PTGER1: variants seen among roughly 807,000 people sequenced by gnomAD.
PTGER1 encodes the protein prostaglandin E receptor 1.
Under a neutral mutation model 18.5 loss-of-function variants are expected in PTGER1, and 15 were observed. The ratio of observed to expected loss-of-function variants is 0.81; its 90% CI spans 0.54 to 1.25. PTGER1 has a LOEUF of 1.25. Ranked by LOEUF, PTGER1 falls within the 50% of genes most tolerant of loss-of-function variation. The pLI is 0.00. For synonymous variants in PTGER1, 339 were observed against 308.4 expected (o/e 1.10, Z -1.04); for missense variants, 567 against 603.4 (o/e 0.94, Z 0.63).
In PTGER1 at chr19:14,473,862, G is replaced by C; in HGVS notation, c.459C>G (p.Arg153=). 7 of 1,226,854 alleles carry C rather than the reference G, an allele frequency of 5.7e-6. No individual in the cohort carries two copies. The highest frequency in any genetic ancestry group is 7.1e-6 in the Non-Finnish European group (7 of 989,606). The allele number at this position is 1,226,854 out of a possible 1,614,324, so 76.0% of individuals were successfully genotyped here. The stretch of plus-strand genomic sequence containing the variant: ...CCACCGCGGCCAGCGCCAGGCGCGC[G>C]CGGGCGACCGAGACCCGCGCGGCGT... ...LLHAARVSVA[R]ARLALAAVAA... The change falls in exon 2 of 3, where the codon CGC becomes CGG. Residue 153 remains arginine (R), a synonymous_variant. Transcript: ENST00000292513. This position sits in a 1 kb window ranked among gnomAD's most constrained non-coding sequence, Gnocchi z 7.1.
rs1305726039 is a variant in PTGER1, at chr19:14,473,995, GC to G, written c.325del (p.Ala109ProfsTer273). ...YTAGRAPAGG[A>X]CHFLGGCMVF... ...CATGCAGCCGCCCAGGAAGTGGCAG[GC>G]CCCGCCGGCCGGAGCGCGCCCCGCA... On this transcript the variant is annotated frameshift_variant, in exon 2 of 3. Coordinates refer to ENST00000292513, the MANE Select transcript of PTGER1 (RefSeq NM_000955.3). LOFTEE classifies it high-confidence loss of function. The surrounding 1 kb of genome is among the most constrained non-coding windows in gnomAD (Gnocchi z 7.1). The G allele has an allele frequency of 6.7e-7, 1 of 1,499,992 alleles. No homozygotes were observed. The highest frequency in any genetic ancestry group is 2.8e-5 in the East Asian group (1 of 36,268). 92.9% of individuals were successfully genotyped at this position (1,499,992 alleles called of 1,614,324 possible).
chr19:14,473,189 G>T lies in PTGER1; in HGVS notation c.942+190C>A, dbSNP rs1022466451. 8.6e-5 allele frequency among the ~76,000 whole-genome samples: 13 copies of T among 152,038 alleles called. No homozygotes were observed. Among genetic ancestry groups the T allele is most frequent in the African/African-American group, 3.1e-4 (13 of 41,366 alleles). ...CCCCAAAAAGGAAGAGGAGAGGGGG[G>T]CTAGGAGGAAGGATGGGAGGTCAGA... On this transcript the variant is annotated intron_variant, in intron 2 of 2. Transcript: ENST00000292513. The surrounding 1 kb of genome is among the most constrained non-coding windows in gnomAD (Gnocchi z 7.1).
chr19:14,473,456 G>A lies in PTGER1; in HGVS notation c.865C>T (p.Arg289Cys). The change falls in exon 2 of 3, where the codon CGC becomes TGC. Residue 289 changes from arginine (R) to cysteine (C), a missense_variant. By Grantham distance (180) the Arg-to-Cys change is radical. Transcript: ENST00000292513. The surrounding 1 kb of genome is among the most constrained non-coding windows in gnomAD (Gnocchi z 7.1). Reference sequence around the variant, plus strand: ...CCCACCATCTCCACGTCGTGGGCGCGAGCTCTGCGTGCCGAGCCGCTGCTC... The same window carrying A: ...CCCACCATCTCCACGTCGTGGGCGCAAGCTCTGCGTGCCGAGCCGCTGCTC... ...SRSSGSARRARAHDVEMVGQL... is the reference protein window; with the variant it reads ...SRSSGSARRACAHDVEMVGQL... 6.3e-7 allele frequency: 1 copy of A among 1,591,068 alleles called. No individual in the cohort carries two copies. Among genetic ancestry groups the A allele is most frequent in the Non-Finnish European group, 8.5e-7 (1 of 1,172,382 alleles).
Position 14,473,861 on chromosome 19 carries a change from C to T in PTGER1, c.460G>A (p.Ala154Thr), listed in dbSNP as rs549754915. Residue 154 changes from alanine to threonine, a missense_variant, in exon 2 of 3, where the codon GCG becomes ACG. Transcript: ENST00000292513. The surrounding 1 kb of genome is among the most constrained non-coding windows in gnomAD (Gnocchi z 7.1). ...LHAARVSVAR[A>T]RLALAAVAAV... is the part of the protein sequence containing the mutation. ...GCCACCGCGGCCAGCGCCAGGCGCGCGCGGGCGACCGAGACCCGCGCGGCG... is the reference window on the plus strand; with the variant it reads ...GCCACCGCGGCCAGCGCCAGGCGCGTGCGGGCGACCGAGACCCGCGCGGCG... 1.2e-3 allele frequency: 1,479 copies of T among 1,226,512 alleles called. 1 individual carries two copies. The highest frequency in any genetic ancestry group is 1.4e-3 in the Non-Finnish European group (1,421 of 989,466). The allele number at this position is 1,226,512 out of a possible 1,614,324, so 76.0% of individuals were successfully genotyped here.
At position 14,473,871 on chromosome 19, in the gene PTGER1, C is replaced by A. The variant is rs1229394302; in HGVS notation, c.450G>T (p.Ser150=). The change falls in exon 2 of 3, where the codon TCG becomes TCT. Residue 150 remains serine, a synonymous_variant. Coordinates refer to ENST00000292513, the MANE Select transcript of PTGER1 (RefSeq NM_000955.3). This position sits in a 1 kb window ranked among gnomAD's most constrained non-coding sequence, Gnocchi z 7.1. ...CCAGCGCCAGGCGCGCGCGGGCGAC[C>A]GAGACCCGCGCGGCGTGGAGCAGCG... is the stretch of plus-strand genomic sequence containing the variant. The part of the protein sequence containing the change: ...TRPLLHAARV[S]VARARLALAA... The A allele has an allele frequency of 1.9e-5, 24 of 1,254,774 alleles. No homozygotes were observed. In the African/African-American group the frequency reaches 2.7e-4, roughly 14 times the overall value. The allele number at this position is 1,254,774 out of a possible 1,614,324, so 77.7% of individuals were successfully genotyped here.
Position 14,473,957 on chromosome 19 carries a change from G to A in PTGER1, c.364C>T (p.Leu122=). The A allele has an allele frequency of 2.0e-6, 3 of 1,490,558 alleles. No homozygotes were observed. Among genetic ancestry groups the A allele is most frequent in the Non-Finnish European group, 1.8e-6 (2 of 1,124,666 alleles). The allele number at this position is 1,490,558 out of a possible 1,614,324, so 92.3% of individuals were successfully genotyped here. A position where few individuals can be genotyped will look rare whatever the true frequency, so the allele number is the denominator to read the frequency against. The change falls in exon 2 of 3, where the codon CTG becomes TTG. Residue 122 remains leucine (L), a synonymous_variant. Transcript: ENST00000292513. The surrounding 1 kb of genome is among the most constrained non-coding windows in gnomAD (Gnocchi z 7.1). The part of the protein sequence containing the change: ...FLGGCMVFFG[L]CPLLLGCGMA... ...CCACAGCCCAGCAGCAGCGGGCACA[G>A]GCCGAAGAAGACCATGCAGCCGCCC... is the stretch of plus-strand genomic sequence containing the variant.
chr19:14,472,616 C>T lies in PTGER1; in HGVS notation c.1153G>A (p.Ala385Thr), dbSNP rs200576016. 1.2e-5 allele frequency: 19 copies of T among 1,601,926 alleles called. No individual in the cohort carries two copies. The highest frequency in any genetic ancestry group is 1.5e-5 in the Non-Finnish European group (18 of 1,175,682). ...GPAGLGLTPS[A>T]WEASSLRSSR... ...CTGCGCAGCGAGCTGGCCTCCCAGGCGCTCGGTGTTAGGCCCAGCCCCGCG... is the reference window on the plus strand; with the variant it reads ...CTGCGCAGCGAGCTGGCCTCCCAGGTGCTCGGTGTTAGGCCCAGCCCCGCG... Residue 385 changes from alanine to threonine, a missense_variant, in exon 3 of 3, where the codon GCC (alanine) becomes ACC (threonine). Physicochemically the swap from Ala to Thr is moderately conservative, Grantham distance 58. Transcript: ENST00000292513.
intron 2 of PTGER1, 129 bp from the exon 3 acceptor site, chr19:14,472,955 A>G: frequency 1.1e-6 from 1 of 932,322 alleles, no homozygotes; most frequent in Non-Finnish European, 1.6e-6. Flanking sequence ...GTAAATGGGG[A>G]TCCAGATGAG....
chr19:14,474,212 CGGGCGAAGCGCCCGACGG>C lies in PTGER1; in HGVS notation c.91_108del (p.Pro31_Pro36del). On this transcript the variant is annotated inframe_deletion, in exon 2 of 3. Transcript: ENST00000292513. This position sits in a 1 kb window ranked among gnomAD's most constrained non-coding sequence, Gnocchi z 5.4. ...AGCGTCATGGAGAAGATGGGCAGCG[CGGGCGAAGCGCCCGACGG>C]CGGCACGGCCGACGTGTTGGGGACC... 1 of 1,525,678 alleles carries C rather than the reference CGGGCGAAGCGCCCGACGG, an allele frequency of 6.6e-7. No individual in the cohort carries two copies. Among genetic ancestry groups the C allele is most frequent in the Non-Finnish European group, 8.8e-7 (1 of 1,142,216 alleles). 94.5% of individuals were successfully genotyped at this position (1,525,678 alleles called of 1,614,324 possible).
chr19:14,472,663 C>G lies in PTGER1; in HGVS notation c.1106G>C (p.Arg369Thr). ...LRQLLRLLPP[R>T]AGAKGGPAGL... ...CGCGGGGCCGCCCTTGGCTCCGGCCCTCGGGGGCAAGAGGCGAAGCAGTTG... is the reference window on the plus strand; with the variant it reads ...CGCGGGGCCGCCCTTGGCTCCGGCCGTCGGGGGCAAGAGGCGAAGCAGTTG... The change falls in exon 3 of 3, where the codon AGG (arginine) becomes ACG (threonine). Residue 369 changes from arginine to threonine, a missense_variant. Arg to Thr is a moderately conservative substitution (Grantham distance 71). Coordinates refer to ENST00000292513, the MANE Select transcript of PTGER1 (RefSeq NM_000955.3). 2 of 1,610,362 alleles carry G rather than the reference C, an allele frequency of 1.2e-6. No homozygotes were observed. The highest frequency in any genetic ancestry group is 8.5e-7 in the Non-Finnish European group (1 of 1,178,734).
chr19:14,473,706 G>T lies in PTGER1; in HGVS notation c.615C>A (p.Gly205=). Residue 205 remains glycine (G), a synonymous_variant, in exon 2 of 3, where the codon GGC becomes GGA. Transcript: ENST00000292513. This position sits in a 1 kb window ranked among gnomAD's most constrained non-coding sequence, Gnocchi z 7.1. ...PGGWRQALLA[G]LFASLGLVAL... is the part of the protein sequence containing the mutation. ...CGACCAGGCCGAGGCTGGCGAAGAG[G>T]CCAGCAAGCAGTGCCTGGCGCCAGC... 6.8e-7 allele frequency: 1 copy of T among 1,472,796 alleles called. No homozygotes were observed. The highest frequency in any genetic ancestry group is 8.9e-7 in the Non-Finnish European group (1 of 1,118,248). The allele number at this position is 1,472,796 out of a possible 1,614,324, so 91.2% of individuals were successfully genotyped here. A position where few individuals can be genotyped will look rare whatever the true frequency, so the allele number is the denominator to read the frequency against.
At position 14,474,210 on chromosome 19, in the gene PTGER1, C is replaced by G; in HGVS notation, c.111G>C (p.Ala37=). The change falls in exon 2 of 3, where the codon GCG becomes GCC. Residue 37 remains alanine (A), a synonymous_variant. Coordinates refer to ENST00000292513, the MANE Select transcript of PTGER1 (RefSeq NM_000955.3). The surrounding 1 kb of genome is among the most constrained non-coding windows in gnomAD (Gnocchi z 5.4). ...CCAGCGTCATGGAGAAGATGGGCAG[C>G]GCGGGCGAAGCGCCCGACGGCGGCA... is the stretch of plus-strand genomic sequence containing the variant. ...SAVPPSGASP[A]LPIFSMTLGA... The G allele has an allele frequency of 6.6e-7, 1 of 1,525,504 alleles. No homozygotes were observed. Among genetic ancestry groups the G allele is most frequent in the Non-Finnish European group, 8.8e-7 (1 of 1,142,136 alleles). 94.5% of individuals were successfully genotyped at this position (1,525,504 alleles called of 1,614,324 possible).
In PTGER1 at chr19:14,473,603, G is replaced by A. The variant is rs756058920; in HGVS notation, c.718C>T (p.Arg240Trp). 2.0e-6 allele frequency: 3 copies of A among 1,463,610 alleles called. No homozygotes were observed. Among genetic ancestry groups the A allele is most frequent in the South Asian group, 2.7e-5 (2 of 73,900 alleles). The allele number at this position is 1,463,610 out of a possible 1,614,324, so 90.7% of individuals were successfully genotyped here. A position where few individuals can be genotyped will look rare whatever the true frequency, so the allele number is the denominator to read the frequency against. ...TCGGGGCCTGAGGCCGGGGGAGGCC[G>A]TCGGGAGCGGCGTCGCCAGCGGGCG... ...LRARWRRRSR[R>W]PPPASGPDSR... Residue 240 changes from arginine to tryptophan, a missense_variant, in exon 2 of 3, where the codon CGG (arginine) becomes TGG (tryptophan). Transcript: ENST00000292513. The surrounding 1 kb of genome is among the most constrained non-coding windows in gnomAD (Gnocchi z 7.1).
rs1229057271 is a variant in PTGER1, at chr19:14,474,089, C to T, written c.232G>A (p.Ala78Thr). The change falls in exon 2 of 3, where the codon GCC becomes ACC. Residue 78 changes from alanine (A) to threonine (T), a missense_variant. Transcript: ENST00000292513. The surrounding 1 kb of genome is among the most constrained non-coding windows in gnomAD (Gnocchi z 5.4). ...GCCAGGTCGGTGGCCAGCAGGCTGG[C>T]CACGAACAGCAGGAAGGTGGCGGCC... ...RSAATFLLFVASLLATDLAGH... is the reference protein window; with the variant it reads ...RSAATFLLFVTSLLATDLAGH... 2.0e-6 allele frequency: 3 copies of T among 1,477,756 alleles called. No individual in the cohort carries two copies. Among genetic ancestry groups the T allele is most frequent in the East Asian group, 3.0e-5 (1 of 33,882 alleles). 91.5% of individuals were successfully genotyped at this position (1,477,756 alleles called of 1,614,324 possible).
chr19:14,472,622 G>GTGT lies in PTGER1; in HGVS notation c.1144_1146dup (p.Thr382dup). The GTGT allele has an allele frequency of 1.2e-6, 2 of 1,605,646 alleles. No homozygotes were observed. The highest frequency in any genetic ancestry group is 1.7e-6 in the Non-Finnish European group (2 of 1,177,634). On this transcript the variant is annotated inframe_insertion, in exon 3 of 3. Coordinates refer to ENST00000292513, the MANE Select transcript of PTGER1 (RefSeq NM_000955.3). ...AGCGAGCTGGCCTCCCAGGCGCTCG[G>GTGT]TGTTAGGCCCAGCCCCGCGGGGCCG...
Position 14,473,402 on chromosome 19 carries a change from A to G in PTGER1, c.919T>C (p.Cys307Arg), listed in dbSNP as rs2071584235. The change falls in exon 2 of 3, where the codon TGC (cysteine) becomes CGC (arginine). Residue 307 changes from cysteine (C) to arginine (R), a missense_variant. Transcript: ENST00000292513. This position sits in a 1 kb window ranked among gnomAD's most constrained non-coding sequence, Gnocchi z 7.1. The part of the protein sequence containing the change: ...GQLVGIMVVS[C>R]ICWSPMLVLV... ...ACCAGCATTGGGCTCCAGCAGATGCACGACACCACCATGATACCGACAAGC... is the reference window on the plus strand; with the variant it reads ...ACCAGCATTGGGCTCCAGCAGATGCGCGACACCACCATGATACCGACAAGC... The G allele has an allele frequency of 3.1e-6, 5 of 1,595,248 alleles. No individual in the cohort carries two copies. The highest frequency in any genetic ancestry group is 4.3e-6 in the Non-Finnish European group (5 of 1,173,832).
In PTGER1 at chr19:14,474,166, A is replaced by T. The variant is rs1254941716; in HGVS notation, c.155T>A (p.Leu52Gln). ...SMTLGAVSNL[L>Q]ALALLAQAAG... ...GGCCTGCGCCAGCAGCGCCAGCGCC[A>T]GCAGGTTGGACACGGCGCCCAGCGT... The change falls in exon 2 of 3, where the codon CTG (leucine) becomes CAG (glutamine). Residue 52 changes from leucine to glutamine, a missense_variant. Coordinates refer to ENST00000292513, the MANE Select transcript of PTGER1 (RefSeq NM_000955.3). The surrounding 1 kb of genome is among the most constrained non-coding windows in gnomAD (Gnocchi z 5.4). 6.8e-7 allele frequency: 1 copy of T among 1,479,350 alleles called. No homozygotes were observed. The highest frequency in any genetic ancestry group is 2.8e-5 in the East Asian group (1 of 35,156). 91.6% of individuals were successfully genotyped at this position (1,479,350 alleles called of 1,614,324 possible).
chr19:14,473,553 G>A lies in PTGER1; in HGVS notation c.768C>T (p.His256=). ...ACGAGGCGGAGGCCGAGCGGGGTCC[G>A]TGCGCCCCCCAGCGACGCCGGCTGT... ...GPDSRRRWGA[H]GPRSASASSA... The change falls in exon 2 of 3, where the codon CAC becomes CAT. Residue 256 remains histidine (H), a synonymous_variant. Coordinates refer to ENST00000292513, the MANE Select transcript of PTGER1 (RefSeq NM_000955.3). The surrounding 1 kb of genome is among the most constrained non-coding windows in gnomAD (Gnocchi z 7.1). The A allele has an allele frequency of 5.2e-6, 8 of 1,531,416 alleles. No homozygotes were observed. Among genetic ancestry groups the A allele is most frequent in the Non-Finnish European group, 6.1e-6 (7 of 1,144,610 alleles). The allele number at this position is 1,531,416 out of a possible 1,614,324, so 94.9% of individuals were successfully genotyped here. A position where few individuals can be genotyped will look rare whatever the true frequency, so the allele number is the denominator to read the frequency against.
rs2071592409 is a variant in PTGER1, at chr19:14,474,071, CGG to C, written c.248_249del (p.Thr83ArgfsTer97). On this transcript the variant is annotated frameshift_variant, in exon 2 of 3. Coordinates refer to ENST00000292513, the MANE Select transcript of PTGER1 (RefSeq NM_000955.3). LOFTEE classifies it high-confidence loss of function. This position sits in a 1 kb window ranked among gnomAD's most constrained non-coding sequence, Gnocchi z 5.4. ...FLLFVASLLATDLAGHVIPGA... is the reference protein window; with the variant it reads ...FLLFVASLLAXDLAGHVIPGA... Reference sequence around the variant, plus strand: ...CCCGGGATCACGTGGCCCGCCAGGTCGGTGGCCAGCAGGCTGGCCACGAACAG... The same window carrying C: ...CCCGGGATCACGTGGCCCGCCAGGTCTGGCCAGCAGGCTGGCCACGAACAG... 6.7e-7 allele frequency: 1 copy of C among 1,492,630 alleles called. No homozygotes were observed. The highest frequency in any genetic ancestry group is 8.9e-7 in the Non-Finnish European group (1 of 1,126,790). The allele number at this position is 1,492,630 out of a possible 1,614,324, so 92.5% of individuals were successfully genotyped here.
Sources: gnomAD v4.1 joint callset for allele counts (sites outside exome capture counted in the v4.1 genomes callset) on GRCh38, gnomAD v4.1.1 for gene constraint, Gnocchi (gnomAD v3.1) non-coding constraint, MANE v1.5 for transcripts, NCBI Gene and HGNC (gene_info 2026-07-23, HGNC 2026-07-21) for gene names.